The following MCF2L variants were observed in gnomAD, a reference collection of about 807,000 sequenced individuals.
MCF2L encodes MCF.2 cell line derived transforming sequence like.
In MCF2L, 97 loss-of-function variants were observed where a neutral mutation model predicts 153.4. That is an observed-to-expected ratio of 0.63 (90% CI 0.54 to 0.75). The LOEUF is 0.75. Among genes scored for constraint, MCF2L ranks in the 30% least tolerant of loss-of-function variants. The pLI, the probability that MCF2L is intolerant of heterozygous loss-of-function variation, is 0.00. For missense variants in MCF2L, 1,347 were observed against 1,495.2 expected (o/e 0.90, Z 1.64); for synonymous variants, 659 against 632.2 (o/e 1.04, Z -0.64).
At chr13:112,914,394 C>T (rs1594316574) in intron 2 of MCF2L, among the ~76,000 whole-genome samples, 1 of 152,268 alleles carries the variant, frequency 6.6e-6, no homozygotes, top group Admixed American at 6.5e-5. Flanking sequence ...GCAGTGGCTA[C>T]ACTGTATTCA....
Position 113,053,527 on chromosome 13 carries a change from G to A in MCF2L, c.370-7066G>A, listed in dbSNP as rs372279297. Among the ~76,000 whole-genome samples the A allele has an allele frequency of 2.6e-5, 4 of 152,192 alleles. No individual in the cohort carries two copies. Among genetic ancestry groups the A allele is most frequent in the African/African-American group, 4.8e-5 (2 of 41,444 alleles). ...TTGGGGCGGTGTTGTGTGCTCAGAC[G>A]GCCAAGGAGGCGTCCGGATTTCCCC... On this transcript the variant is annotated intron_variant, in intron 4 of 29. Transcript: ENST00000535094. The surrounding 1 kb of genome is among the most constrained non-coding windows in gnomAD (Gnocchi z 4.4).
At chr13:112,955,115 C>G (rs1055769907) in intron 2 of MCF2L, among the ~76,000 whole-genome samples, 2 of 152,140 alleles carry the variant, frequency 1.3e-5, no homozygotes, top group African/African-American at 2.4e-5. Context: ...CTCAGGGACC[C>G]GAGGGAAAGC....
chr13:112,916,213 T>C (rs2081290822), intron 2 of MCF2L, among the ~76,000 whole-genome samples: 1 of 147,758 alleles, frequency 6.8e-6, no homozygotes, highest in African/African-American at 2.7e-5. Flanking sequence ...CGAGGCGACT[T>C]TTCCCCTTTC....
At chr13:113,083,791 T>C (rs1454126920) in intron 17 of MCF2L, among the ~76,000 whole-genome samples, 1 of 152,202 alleles carries the variant, frequency 6.6e-6, no homozygotes, top group Non-Finnish European at 1.5e-5. Context: ...GCCAGAAATA[T>C]AAAGAGACTC....
intron 1 of MCF2L, among the ~76,000 whole-genome samples, chr13:113,005,001 G>C (rs1230688210): frequency 6.6e-6 from 1 of 152,198 alleles, no homozygotes; most frequent in African/African-American, 2.4e-5. Context: ...CCCCACTGTG[G>C]GTGGGTATCG....
rs745538634 is a variant in MCF2L, at chr13:113,064,427, C to T, written c.606+7C>T. ...GTGGCTGTGCCAGCGCACGGTGAGC[C>T]GCGTCGGGGCCAGCGGGGCTGGCTG... is the stretch of plus-strand genomic sequence containing the variant. On this transcript the variant is annotated splice_region_variant and intron_variant, in intron 6 of 29. Coordinates refer to ENST00000535094, the MANE Select transcript of MCF2L (RefSeq NM_001112732.3). This position sits in a 1 kb window ranked among gnomAD's most constrained non-coding sequence, Gnocchi z 6.0. 27 of 1,594,674 alleles carry T rather than the reference C, an allele frequency of 1.7e-5. No individual in the cohort carries two copies. Among genetic ancestry groups the T allele is most frequent in the Middle Eastern group, 1.7e-4 (1 of 6,044 alleles).
chr13:112,896,410 T>G (rs939170793), intron 1 of MCF2L, among the ~76,000 whole-genome samples: 18 of 151,988 alleles, frequency 1.2e-4, no homozygotes, highest in African/African-American at 4.4e-4. Flanking sequence ...GAACGTTTAT[T>G]TTGGAAAGGC....
chr13:112,982,600 G>C (rs2140914764), intron 1 of MCF2L, among the ~76,000 whole-genome samples: 1 of 152,320 alleles, frequency 6.6e-6, no homozygotes, highest in South Asian at 2.1e-4. Context: ...TGTCTGGTGG[G>C]AGGCGGGCGT....
intron 26 of MCF2L, chr13:113,090,786 G>A (rs572035726): frequency 2.0e-6 from 2 of 985,326 alleles, no homozygotes; most frequent in African/African-American, 3.5e-5. Flanking sequence ...ATGCTTTTAA[G>A]TTGGCCTGAG....
intron 1 of MCF2L, among the ~76,000 whole-genome samples, chr13:112,895,441 G>A (rs1047071795): frequency 4.6e-5 from 7 of 152,118 alleles, no homozygotes; most frequent in South Asian, 2.1e-4. Flanking sequence ...GCAGAGTGTC[G>A]GTGTGGTCCC....
upstream of MCF2L, chr13:112,968,340 C>A: frequency 7.6e-7 from 1 of 1,310,866 alleles, no homozygotes; most frequent in South Asian, 1.5e-5. Context: ...GAGGAGAGCT[C>A]AGAGAGTTTC....
intron 4 of MCF2L, among the ~76,000 whole-genome samples, chr13:113,051,156 G>C (rs746137617): frequency 6.6e-6 from 1 of 152,204 alleles, no homozygotes. Context: ...TCTGCAGGCT[G>C]TCTCCTCCGC....
chr13:113,075,011 G>C lies in MCF2L; in HGVS notation c.1130G>C (p.Arg377Thr). The C allele has an allele frequency of 6.2e-7, 1 of 1,601,100 alleles. No individual in the cohort carries two copies. Among genetic ancestry groups the C allele is most frequent in the Non-Finnish European group, 8.5e-7 (1 of 1,170,438 alleles). The change falls in exon 11 of 30, where the codon AGG becomes ACG. Residue 377 changes from arginine (R) to threonine (T), a missense_variant. Arg to Thr is a moderately conservative substitution (Grantham distance 71). Coordinates refer to ENST00000535094, the MANE Select transcript of MCF2L (RefSeq NM_001112732.3). The part of the protein sequence containing the change: ...FEEKSGVAVE[R>T]ARALSLDGEQ... Reference sequence around the variant, plus strand: ...GGCCGTCCACAGGTGGCCGTGGAGAGGGCCCGGGCCCTGTCTCTGGACGGC... The same window carrying C: ...GGCCGTCCACAGGTGGCCGTGGAGACGGCCCGGGCCCTGTCTCTGGACGGC...
rs1415168618 is a variant in MCF2L at position 113,032,339 on chromosome 13, G to A, written c.278+7581G>A. Reference sequence around the variant, plus strand: ...AGTGTCTGTGAGCGTGTGTGAGCGTGCTAAACAATTTAATACGTGTGCATT... The same window carrying A: ...AGTGTCTGTGAGCGTGTGTGAGCGTACTAAACAATTTAATACGTGTGCATT... On this transcript the variant is annotated intron_variant, in intron 3 of 29. Coordinates refer to ENST00000535094, the MANE Select transcript of MCF2L (RefSeq NM_001112732.3). Among the ~76,000 whole-genome samples the A allele has an allele frequency of 2.6e-5, 4 of 152,304 alleles. No homozygotes were observed. In the South Asian group the frequency reaches 8.3e-4, roughly 32 times the overall value.
chr13:113,090,644 ATGGC>A, intron 26 of MCF2L: 1 of 985,466 alleles, frequency 1.0e-6, no homozygotes. Flanking sequence ...TGGGAAATAC[ATGGC>A]GGGGAAATGG....
In MCF2L at chr13:113,070,202, C is replaced by T. The variant is rs764114143; in HGVS notation, c.996+29C>T. Reference sequence around the variant, plus strand: ...AGTGGCCCTGGGTGGAGCCGGCAGCCGCCCTGATGCTCACGGGGCCTCCTG... The same window carrying T: ...AGTGGCCCTGGGTGGAGCCGGCAGCTGCCCTGATGCTCACGGGGCCTCCTG... On this transcript the variant is annotated intron_variant, in intron 9 of 29. Coordinates refer to ENST00000535094, the MANE Select transcript of MCF2L (RefSeq NM_001112732.3). This position sits in a 1 kb window ranked among gnomAD's most constrained non-coding sequence, Gnocchi z 5.6. 4.2e-5 allele frequency: 61 copies of T among 1,468,824 alleles called. No homozygotes were observed. The highest frequency in any genetic ancestry group is 3.6e-4 in the Middle Eastern group (2 of 5,566). The allele number at this position is 1,468,824 out of a possible 1,614,324, so 91.0% of individuals were successfully genotyped here.
At chr13:113,067,299 G>A (rs565735021) in intron 8 of MCF2L, among the ~76,000 whole-genome samples, 2 of 135,564 alleles carry the variant, frequency 1.5e-5, no homozygotes, top group South Asian at 2.7e-4. Flanking sequence ...GCAGTGAGCC[G>A]AGATTGCACC....
At position 113,045,232 on chromosome 13, in the gene MCF2L, C is replaced by T. The variant is rs770249066; in HGVS notation, c.279-39C>T. The T allele has an allele frequency of 2.6e-6, 4 of 1,522,238 alleles. No homozygotes were observed. Among genetic ancestry groups the T allele is most frequent in the Non-Finnish European group, 3.6e-6 (4 of 1,096,410 alleles). The allele number at this position is 1,522,238 out of a possible 1,614,324, so 94.3% of individuals were successfully genotyped here. ...GATTTCGTGGGCAGCCGGCTTCCCA[C>T]CTGCACACATTAACGGCGGCGTCTC... On this transcript the variant is annotated intron_variant, in intron 3 of 29. Coordinates refer to ENST00000535094, the MANE Select transcript of MCF2L (RefSeq NM_001112732.3). The surrounding 1 kb of genome is among the most constrained non-coding windows in gnomAD (Gnocchi z 4.2).
At chr13:113,008,685 C>T (rs770724134) in intron 1 of MCF2L, 2 of 152,218 alleles carry the variant, frequency 1.3e-5, no homozygotes, top group East Asian at 1.9e-4. Context: ...GTGACCACGC[C>T]GAGGAAGACA....
Sources: allele counts gnomAD v4.1 joint callset (sites outside exome capture counted in the v4.1 genomes callset), GRCh38; gene constraint gnomAD v4.1.1; non-coding constraint Gnocchi (gnomAD v3.1); transcripts MANE v1.5; gene names NCBI Gene and HGNC (gene_info 2026-07-23, HGNC 2026-07-21).